The following ZNF565 variants were observed in gnomAD, a reference collection of about 807,000 sequenced individuals.
ZNF565 encodes zinc finger protein 565.
ZNF565 carries 27 observed loss-of-function variants against 39.4 expected under a neutral mutation model. That is an observed-to-expected ratio of 0.69 (90% CI 0.51 to 0.95). The LOEUF is 0.95. Ranked by LOEUF, ZNF565 falls within the 40% of genes least tolerant of loss-of-function variation. The pLI, the probability that ZNF565 is intolerant of heterozygous loss-of-function variation, is 0.00. For synonymous variants in ZNF565, 185 were observed against 216.6 expected (o/e 0.85, Z 1.28); for missense variants, 524 against 621.1 (o/e 0.84, Z 1.66).
In ZNF565 at chr19:36,209,033, T is replaced by C. The variant is rs143750646; in HGVS notation, c.-66+5589A>G. On this transcript the variant is annotated intron_variant, in intron 1 of 4. Coordinates refer to ENST00000304116, the MANE Select transcript of ZNF565 (RefSeq NM_152477.5). ...TTTTTGTAGAGATGGGGTTTCGTCATATTGCCCAGGCTGGTCTCAAACTCC... is the reference window on the plus strand; with the variant it reads ...TTTTTGTAGAGATGGGGTTTCGTCACATTGCCCAGGCTGGTCTCAAACTCC... Among the ~76,000 whole-genome samples the C allele has an allele frequency of 4.8e-3, 726 of 152,164 alleles. 10 individuals carry two copies. Among genetic ancestry groups the C allele is most frequent in the Non-Finnish European group, 3.5e-3 (235 of 68,010 alleles).
intron 1 of ZNF565, among the ~76,000 whole-genome samples, chr19:36,227,437 A>G (rs906174706): frequency 4.0e-5 from 6 of 150,092 alleles, no homozygotes; most frequent in Non-Finnish European, 7.4e-5. Context: ...TGCAGTGGCT[A>G]TTCATAGGCA....
rs769087096 is a variant in ZNF565 at position 36,183,313 on chromosome 19, G to A, written c.653C>T (p.Thr218Met). Residue 218 changes from threonine (T) to methionine (M), a missense_variant, in exon 5 of 5, where the codon ACG becomes ATG. Thr to Met is a moderately conservative substitution (Grantham distance 81). Transcript: ENST00000304116. Reference sequence around the variant, plus strand: ...CTTACAGTCATAAGGTTTCTCACCCGTGTGAATTCTCTGATGCTGAACAAG... The same window carrying A: ...CTTACAGTCATAAGGTTTCTCACCCATGTGAATTCTCTGATGCTGAACAAG... ...SHLVQHQRIH[T>M]GEKPYDCKDC... 5.0e-6 allele frequency: 8 copies of A among 1,614,088 alleles called. No homozygotes were observed. Among genetic ancestry groups the A allele is most frequent in the Admixed American group, 1.7e-5 (1 of 60,004 alleles).
intron 1 of ZNF565, among the ~76,000 whole-genome samples, chr19:36,211,486 C>CA (rs1327499529): frequency 2.0e-5 from 3 of 147,402 alleles, no homozygotes; most frequent in African/African-American, 5.1e-5. Flanking sequence ...CACACACACA[C>CA]AATTCTAATT....
intron 1 of ZNF565, among the ~76,000 whole-genome samples, chr19:36,211,214 G>A (rs1295239222): frequency 6.6e-6 from 1 of 151,938 alleles, no homozygotes; most frequent in Non-Finnish European, 1.5e-5. Flanking sequence ...AGGCCAAGGT[G>A]GGCAGATCAC....
intron 1 of ZNF565, chr19:36,236,175 A>T: frequency 2.7e-6 from 1 of 374,564 alleles, no homozygotes; most frequent in Non-Finnish European, 4.8e-6. Flanking sequence ...AGAAGCAGAA[A>T]ATTCATGCTG....
chr19:36,212,088 C>T (rs191450141), intron 1 of ZNF565, among the ~76,000 whole-genome samples: 15 of 152,172 alleles, frequency 9.9e-5, no homozygotes, highest in Admixed American at 7.9e-4. Flanking sequence ...CATAGTGTAA[C>T]GAATTGACCT....
At chr19:36,234,964 G>A (rs192234631) in intron 1 of ZNF565, among the ~76,000 whole-genome samples, 309 of 152,122 alleles carry the variant, frequency 2.0e-3, no homozygotes, top group Non-Finnish European at 3.2e-3. Flanking sequence ...TTGAATAAGG[G>A]AATTTGTACC....
At chr19:36,241,802 A>AT (rs201583386) in intron 1 of ZNF565, among the ~76,000 whole-genome samples, 21,001 of 139,386 alleles carry the variant, frequency 0.15, 1,722 homozygotes, top group Middle Eastern at 0.18. Context: ...AAAAAAAAAA[A>AT]AGCTGGGACA....
intron 1 of ZNF565, among the ~76,000 whole-genome samples, chr19:36,234,859 T>C (rs1160625312): frequency 6.6e-6 from 1 of 152,198 alleles, no homozygotes; most frequent in East Asian, 1.9e-4. Flanking sequence ...TTCCATTTCA[T>C]ATGAAGGTGT....
intron 3 of ZNF565, 103 bp downstream of exon 3, chr19:36,194,927 T>C: frequency 6.4e-7 from 1 of 1,570,580 alleles, no homozygotes; most frequent in Non-Finnish European, 8.7e-7. Flanking sequence ...CCTGTGACAG[T>C]TTCCTCTCCT....
At chr19:36,206,252 T>G (rs772836940) in intron 1 of ZNF565, among the ~76,000 whole-genome samples, 1 of 152,058 alleles carries the variant, frequency 6.6e-6, no homozygotes, top group African/African-American at 2.4e-5. Context: ...TGGGCCATTG[T>G]GTCTGGCTGG....
upstream of ZNF565, among the ~76,000 whole-genome samples, chr19:36,217,055 C>CTTTTTTTTTTTTTTT (rs752632008): frequency 3.0e-5 from 2 of 65,866 alleles, no homozygotes; most frequent in East Asian, 5.5e-4. Context: ...CAGTCCCTGT[C>CTTTTTTTTTTTTTTT]TTTTTTTTTT....
chr19:36,237,070 A>G lies in ZNF565; in HGVS notation c.55+8406T>C, dbSNP rs750455821. On this transcript the variant is annotated intron_variant, in intron 1 of 4. Transcript: ENST00000355114. ...ATGTGAGGATTCATTCAGGTGATAA[A>G]CCTTACGAATGCAATGTTTGTGGAA... is the stretch of plus-strand genomic sequence containing the variant. The G allele has an allele frequency of 5.6e-6, 9 of 1,614,146 alleles. No homozygotes were observed. The South Asian group carries it at 9.9e-5, about 18-fold the overall frequency.
intron 2 of ZNF565, among the ~76,000 whole-genome samples, chr19:36,200,545 G>A (rs373079779): frequency 6.6e-6 from 1 of 150,966 alleles, no homozygotes. Flanking sequence ...CTGGAGTGCA[G>A]TGGCGTAATC....
At chr19:36,200,492 A>AT (rs763018660) in intron 2 of ZNF565, among the ~76,000 whole-genome samples, 1,598 of 143,912 alleles carry the variant, frequency 0.011, 20 homozygotes, top group African/African-American at 0.034. Flanking sequence ...AGAAAGTTGG[A>AT]TTTTTTTTTT....
At chr19:36,188,711 CA>C (rs537452721) in intron 4 of ZNF565, among the ~76,000 whole-genome samples, 7,403 of 75,998 alleles carry the variant, frequency 0.097, 166 homozygotes, top group Admixed American at 0.14. Flanking sequence ...GACTCCGTCT[CA>C]AAAAAAAAAA....
At chr19:36,191,503 A>C (rs1378198104) in intron 4 of ZNF565, among the ~76,000 whole-genome samples, 2 of 152,000 alleles carry the variant, frequency 1.3e-5, no homozygotes, top group African/African-American at 4.8e-5. Flanking sequence ...ACCATGGAAC[A>C]TGCTGTGGTA....
At chr19:36,237,309 A>G in intron 1 of ZNF565, 1 of 1,602,992 alleles carries the variant, frequency 6.2e-7, no homozygotes, top group Non-Finnish European at 8.5e-7. Context: ...CAGAAAATTC[A>G]TACTCACTAA....
chr19:36,195,264 C>A, intron 2 of ZNF565, 108 bp from the exon 3 acceptor site: 4 of 1,303,784 alleles, frequency 3.1e-6, no homozygotes, highest in Non-Finnish European at 4.3e-6. Context: ...AGTAATGGCC[C>A]CCCGATATGC....
Sources: allele counts gnomAD v4.1 joint callset (sites outside exome capture counted in the v4.1 genomes callset), GRCh38; gene constraint gnomAD v4.1.1; transcripts MANE v1.5; gene names NCBI Gene and HGNC (gene_info 2026-07-23, HGNC 2026-07-21).